The following OR4N2 variants were observed in gnomAD, a reference collection of about 807,000 sequenced individuals.
OR4N2 encodes olfactory receptor family 4 subfamily N member 2.
For missense variants in OR4N2, 307 were observed against 377.6 expected (o/e 0.81, Z 1.55); for synonymous variants, 141 against 140.4 (o/e 1.00, Z -0.03).
At chr14:19,814,997 G>C (rs917037171) in intron 1 of OR4N2, among the ~76,000 whole-genome samples, 54 of 152,220 alleles carry the variant, frequency 3.5e-4, no homozygotes, top group Non-Finnish European at 7.2e-4. Context: ...CAAATGACAT[G>C]AACTCATCCT....
At chr14:19,807,133 A>G (rs1375535174) in intron 1 of OR4N2, among the ~76,000 whole-genome samples, 1 of 151,992 alleles carries the variant, frequency 6.6e-6, no homozygotes, top group Non-Finnish European at 1.5e-5. Flanking sequence ...TTCATCAAGA[A>G]GTTAGAAAAA....
At chr14:19,808,557 C>T (rs56078642) in intron 1 of OR4N2, among the ~76,000 whole-genome samples, 4 of 152,102 alleles carry the variant, frequency 2.6e-5, no homozygotes, top group Non-Finnish European at 5.9e-5. Flanking sequence ...CAAAACACTG[C>T]TGACAGAAAT....
chr14:19,825,774 G>A (rs1279277815), intron 1 of OR4N2, among the ~76,000 whole-genome samples: 1 of 152,078 alleles, frequency 6.6e-6, no homozygotes, highest in Non-Finnish European at 1.5e-5. Context: ...TAGCCAAGAT[G>A]TTCTCGATCT....
chr14:19,816,374 T>C (rs1209873434), intron 1 of OR4N2, among the ~76,000 whole-genome samples: 1 of 152,250 alleles, frequency 6.6e-6, no homozygotes, highest in Non-Finnish European at 1.5e-5. Context: ...TCTTTTTCCT[T>C]GAGCGGTGGT....
chr14:19,817,044 G>A (rs547467136), intron 1 of OR4N2, among the ~76,000 whole-genome samples: 1 of 152,198 alleles, frequency 6.6e-6, no homozygotes, highest in Non-Finnish European at 1.5e-5. Flanking sequence ...ATGAAGCTGA[G>A]TTGATCATGG....
At chr14:19,809,207 C>CA (rs1879237691) in intron 1 of OR4N2, among the ~76,000 whole-genome samples, 1 of 152,042 alleles carries the variant, frequency 6.6e-6, no homozygotes, top group South Asian at 2.1e-4. Context: ...AAAATCAACT[C>CA]AAAATCGATT....
At chr14:19,815,263 G>T (rs7152306) in intron 1 of OR4N2, among the ~76,000 whole-genome samples, 1,742 of 151,936 alleles carry the variant, frequency 0.011, no homozygotes, top group African/African-American at 0.035. Context: ...TTCCACAATG[G>T]TTGAACTAAT....
intron 1 of OR4N2, among the ~76,000 whole-genome samples, chr14:19,817,589 T>C (rs2489767): frequency 0.65 from 97,385 of 150,772 alleles, 26,508 homozygotes; most frequent in East Asian, 0.71. Flanking sequence ...CTTTTCTTCA[T>C]TAGTCTGGTT....
intron 1 of OR4N2, among the ~76,000 whole-genome samples, chr14:19,823,376 C>T (rs918087129): frequency 3.3e-5 from 5 of 152,200 alleles, no homozygotes; most frequent in African/African-American, 1.2e-4. Flanking sequence ...TGATAAGTGA[C>T]TCAGCGTTGG....
At chr14:19,809,794 C>T (rs1399227491) in intron 1 of OR4N2, among the ~76,000 whole-genome samples, 1 of 152,168 alleles carries the variant, frequency 6.6e-6, no homozygotes, top group Non-Finnish European at 1.5e-5. Flanking sequence ...AATGGGCAAG[C>T]CACATGCAAA....
At chr14:19,815,165 A>G (rs1393707502) in intron 1 of OR4N2, among the ~76,000 whole-genome samples, 2 of 152,384 alleles carry the variant, frequency 1.3e-5, no homozygotes, top group African/African-American at 4.8e-5. Context: ...AGAATGATTT[A>G]TAATTCTTTG....
intron 1 of OR4N2, among the ~76,000 whole-genome samples, chr14:19,810,944 G>A (rs1225671999): frequency 6.6e-6 from 1 of 152,212 alleles, no homozygotes; most frequent in Non-Finnish European, 1.5e-5. Flanking sequence ...GGCACATCAA[G>A]ATATACAAAA....
intron 1 of OR4N2, among the ~76,000 whole-genome samples, chr14:19,807,624 A>G (rs1260882220): frequency 6.6e-6 from 1 of 152,186 alleles, no homozygotes; most frequent in Non-Finnish European, 1.5e-5. Context: ...GTCCTGGGCC[A>G]GATAGATTCA....
Position 19,828,245 on chromosome 14 carries a change from C to T in OR4N2, c.797C>T (p.Pro266Leu). 6.2e-7 allele frequency: 1 copy of T among 1,614,246 alleles called. No homozygotes were observed. The highest frequency in any genetic ancestry group is 1.1e-5 in the South Asian group (1 of 91,082). ...TACACGCGCCCCTTCAGGGCTTTCC[C>T]AGCTGACAAGGTGGTTTCTCTCTTC... ...FIYTRPFRAFPADKVVSLFHT... is the reference protein window; with the variant it reads ...FIYTRPFRAFLADKVVSLFHT... The change falls in exon 2 of 2, where the codon CCA becomes CTA. Residue 266 changes from proline to leucine, a missense_variant. Physicochemically the swap from Pro to Leu is moderately conservative, Grantham distance 98. Coordinates refer to ENST00000557677, the MANE Select transcript of OR4N2 (RefSeq NM_001004723.3).
chr14:19,818,591 G>A (rs1392435367), intron 1 of OR4N2, among the ~76,000 whole-genome samples: 1 of 152,070 alleles, frequency 6.6e-6, no homozygotes, highest in Non-Finnish European at 1.5e-5. Flanking sequence ...CACGTGAGAT[G>A]GGTCTCCTGA....
At chr14:19,822,686 T>C (rs1879597091) in intron 1 of OR4N2, among the ~76,000 whole-genome samples, 1 of 152,270 alleles carries the variant, frequency 6.6e-6, no homozygotes, top group African/African-American at 2.4e-5. Context: ...CAGCATTCTG[T>C]CCATTCAATA....
intron 1 of OR4N2, among the ~76,000 whole-genome samples, chr14:19,806,252 A>C (rs535702231): frequency 6.6e-6 from 1 of 152,172 alleles, no homozygotes; most frequent in South Asian, 2.1e-4. Context: ...AAGTTATCTA[A>C]ATGCCCTACT....
intron 1 of OR4N2, among the ~76,000 whole-genome samples, chr14:19,817,585 T>C (rs1458774803): frequency 6.6e-6 from 1 of 152,246 alleles, no homozygotes; most frequent in Non-Finnish European, 1.5e-5. Flanking sequence ...CTTTCTTTTC[T>C]TCATTAGTCT....
intron 1 of OR4N2, among the ~76,000 whole-genome samples, chr14:19,807,588 TA>T (rs35038283): frequency 0.61 from 92,212 of 150,196 alleles, 23,149 homozygotes; most frequent in East Asian, 0.71. Context: ...GAATCAATAA[TA>T]AAAAAAGCCT....
Sources: gnomAD v4.1 joint callset for allele counts (sites outside exome capture counted in the v4.1 genomes callset) on GRCh38, gnomAD v4.1.1 for gene constraint, MANE v1.5 for transcripts, NCBI Gene and HGNC (gene_info 2026-07-23, HGNC 2026-07-21) for gene names.